SLAIN2: variants seen among roughly 807,000 people sequenced by gnomAD.
SLAIN2 encodes SLAIN motif-containing protein 2.
Under a neutral mutation model 56.6 loss-of-function variants are expected in SLAIN2, and 31 were observed. That is an observed-to-expected ratio of 0.55 (90% CI 0.41 to 0.74). The LOEUF is 0.74. Among genes scored for constraint, SLAIN2 ranks in the 30% least tolerant of loss-of-function variants. The pLI is 0.00. For missense variants in SLAIN2, 777 were observed against 754.2 expected (o/e 1.03, Z -0.35); for synonymous variants, 317 against 284.9 (o/e 1.11, Z -1.13).
At chr4:48,399,880 T>C (rs1210516867) in intron 6 of SLAIN2, among the ~76,000 whole-genome samples, 1 of 152,198 alleles carries the variant, frequency 6.6e-6, no homozygotes, top group Non-Finnish European at 1.5e-5. Flanking sequence ...ATAAGCTTTT[T>C]GATGTGCTGC....
intron 1 of SLAIN2, among the ~76,000 whole-genome samples, chr4:48,342,962 T>C (rs1272136461): frequency 6.6e-6 from 1 of 152,176 alleles, no homozygotes; most frequent in Non-Finnish European, 1.5e-5. Context: ...CCCACCTTAA[T>C]ATCACTTTCA....
intron 4 of SLAIN2, among the ~76,000 whole-genome samples, chr4:48,381,356 T>C (rs1715966711): frequency 6.6e-6 from 1 of 151,584 alleles, no homozygotes; most frequent in Admixed American, 6.6e-5. Context: ...AACTACAGCT[T>C]TTTTTTTGTC....
Position 48,345,959 on chromosome 4 carries a change from C to A in SLAIN2, c.389+3831C>A, listed in dbSNP as rs187121912. 3.8e-4 allele frequency among the ~76,000 whole-genome samples: 56 copies of A among 148,452 alleles called. No homozygotes were observed. The East Asian group carries it at 0.01, about 27-fold the overall frequency. The stretch of plus-strand genomic sequence containing the variant: ...AATTGCTAGTTCTATCTATTATCGT[C>A]AGGCCCATATAACATTTTGTGTAGA... On this transcript the variant is annotated intron_variant, in intron 1 of 7. Coordinates refer to ENST00000264313, the MANE Select transcript of SLAIN2 (RefSeq NM_020846.2).
intron 2 of SLAIN2, 35 bp from the exon 3 acceptor site, chr4:48,377,858 AGTT>A (rs2109759279): frequency 6.3e-7 from 1 of 1,575,024 alleles, no homozygotes. Context: ...ACTTTTTCTC[AGTT>A]GTTAAATTTG....
chr4:48,379,839 C>G lies in SLAIN2; in HGVS notation c.853C>G (p.Gln285Glu). ...TGATGTACAGATTCTAGCCCGGATG[C>G]AGGAAGAAAGTAAGTATTCTAATTG... ...VTDVQILARM[Q>E]EESLRQEYAA... The change falls in exon 4 of 8, where the codon CAG becomes GAG. Residue 285 changes from glutamine to glutamate, a missense_variant. Physicochemically the swap from Gln to Glu is conservative, Grantham distance 29 (BLOSUM62 2). Coordinates refer to ENST00000264313, the MANE Select transcript of SLAIN2 (RefSeq NM_020846.2). 6.5e-7 allele frequency: 1 copy of G among 1,547,240 alleles called. No individual in the cohort carries two copies. The highest frequency in any genetic ancestry group is 8.7e-7 in the Non-Finnish European group (1 of 1,153,610).
chr4:48,399,973 T>C (rs1716503996), intron 6 of SLAIN2, among the ~76,000 whole-genome samples: 1 of 152,158 alleles, frequency 6.6e-6, no homozygotes, highest in South Asian at 2.1e-4. Flanking sequence ...TCTTTTTTGT[T>C]GTATCTTTGC....
chr4:48,341,615 C>G lies in SLAIN2; in HGVS notation c.-125C>G. ...GGTGGGGGGACCCTGGCGGTGGGGC[C>G]TGGTCCTGCTATATGCCGGCGCCTC... is the stretch of plus-strand genomic sequence containing the variant. On this transcript the variant is annotated 5_prime_UTR_variant, in exon 1 of 8. Coordinates refer to ENST00000264313, the MANE Select transcript of SLAIN2 (RefSeq NM_020846.2). 1 of 1,377,538 alleles carries G rather than the reference C, an allele frequency of 7.3e-7. No individual in the cohort carries two copies. Among genetic ancestry groups the G allele is most frequent in the Non-Finnish European group, 9.5e-7 (1 of 1,055,208 alleles). The allele number at this position is 1,377,538 out of a possible 1,614,324, so 85.3% of individuals were successfully genotyped here. A position where few individuals can be genotyped will look rare whatever the true frequency, so the allele number is the denominator to read the frequency against.
intron 1 of SLAIN2, among the ~76,000 whole-genome samples, chr4:48,362,108 TTTAC>T (rs1185078444): frequency 6.6e-6 from 1 of 152,128 alleles, no homozygotes; most frequent in Non-Finnish European, 1.5e-5. Context: ...TTAAACATGT[TTTAC>T]TTCTTTCTTT....
chr4:48,362,542 C>A (rs1292877307), intron 1 of SLAIN2, among the ~76,000 whole-genome samples: 1 of 150,292 alleles, frequency 6.7e-6, no homozygotes, highest in Non-Finnish European at 1.5e-5. Context: ...CCTCAGCCTC[C>A]CAAGTAGCTG....
chr4:48,376,072 G>C (rs913137373), intron 2 of SLAIN2, among the ~76,000 whole-genome samples: 2 of 152,252 alleles, frequency 1.3e-5, no homozygotes, highest in Admixed American at 6.5e-5. Flanking sequence ...TCTTAAGAGA[G>C]AGAGCACCAT....
At chr4:48,370,514 A>G (rs1560455024) in intron 2 of SLAIN2, among the ~76,000 whole-genome samples, 1 of 152,254 alleles carries the variant, frequency 6.6e-6, no homozygotes, top group Non-Finnish European at 1.5e-5. Context: ...GAAAGAGCCT[A>G]GCATGTTTTC....
Position 48,401,720 on chromosome 4 carries a change from A to G in SLAIN2, c.1360+17936A>G, listed in dbSNP as rs537998085. Among the ~76,000 whole-genome samples the G allele has an allele frequency of 1.1e-4, 17 of 152,226 alleles. No homozygotes were observed. The South Asian group carries it at 3.3e-3, about 30-fold the overall frequency. On this transcript the variant is annotated intron_variant, in intron 6 of 7. Coordinates refer to ENST00000264313, the MANE Select transcript of SLAIN2 (RefSeq NM_020846.2). ...AAGACAGCATGGGTCTTGACTCTTT[A>G]TCCAGCTTGCTACTCTGTGTCTTTT...
chr4:48,399,094 C>A (rs1716482610), intron 6 of SLAIN2, among the ~76,000 whole-genome samples: 1 of 152,088 alleles, frequency 6.6e-6, no homozygotes, highest in Non-Finnish European at 1.5e-5. Context: ...GGCAGTATGG[C>A]CATTTTCATG....
chr4:48,399,470 C>T (rs1339727225), intron 6 of SLAIN2, among the ~76,000 whole-genome samples: 2 of 152,200 alleles, frequency 1.3e-5, no homozygotes, highest in Non-Finnish European at 2.9e-5. Context: ...TTGACTTCCT[C>T]TCTTCCTGTT....
At chr4:48,349,562 G>C (rs1714958152) in intron 1 of SLAIN2, among the ~76,000 whole-genome samples, 1 of 152,184 alleles carries the variant, frequency 6.6e-6, no homozygotes, top group African/African-American at 2.4e-5. Flanking sequence ...GCTCTGTTTA[G>C]TAGGATTACA....
chr4:48,393,709 A>C lies in SLAIN2; in HGVS notation c.1360+9925A>C, dbSNP rs553291208. On this transcript the variant is annotated intron_variant, in intron 6 of 7. Transcript: ENST00000264313. Reference sequence around the variant, plus strand: ...GACTTTCAAATCAGCAGAGTAACTAAAATATTTTAGAGCTGCTTAAATACA... The same window carrying C: ...GACTTTCAAATCAGCAGAGTAACTACAATATTTTAGAGCTGCTTAAATACA... Among the ~76,000 whole-genome samples, 4 of 152,256 alleles carry C rather than the reference A, an allele frequency of 2.6e-5. No individual in the cohort carries two copies. In the South Asian group the frequency reaches 8.3e-4, roughly 32 times the overall value.
intron 6 of SLAIN2, among the ~76,000 whole-genome samples, chr4:48,405,253 A>AC (rs1321911088): frequency 6.6e-6 from 1 of 151,948 alleles, no homozygotes; most frequent in Non-Finnish European, 1.5e-5. Flanking sequence ...TCCAAACACA[A>AC]CCCTCTCTTG....
chr4:48,342,222 G>A, intron 1 of SLAIN2, 94 bp downstream of exon 1: 3 of 1,306,186 alleles, frequency 2.3e-6, no homozygotes, highest in African/African-American at 1.6e-5. Context: ...GCCTCGCTTT[G>A]TGTAGCCGGG....
intron 6 of SLAIN2, among the ~76,000 whole-genome samples, chr4:48,411,627 A>T (rs928761997): frequency 4.0e-5 from 6 of 151,428 alleles, no homozygotes; most frequent in East Asian, 3.9e-4. Context: ...CTTAGCATGA[A>T]GTTTTACCTG....
Sources: gnomAD v4.1 joint callset for allele counts (sites outside exome capture counted in the v4.1 genomes callset) on GRCh38, gnomAD v4.1.1 for gene constraint, MANE v1.5 for transcripts, NCBI Gene and HGNC (gene_info 2026-07-23, HGNC 2026-07-21) for gene names.